TAFA2: variants seen among roughly 807,000 people sequenced by gnomAD.
TAFA2 encodes the protein chemokine-like protein TAFA-2.
TAFA2 carries 7 observed loss-of-function variants against 18.8 expected under a neutral mutation model. The ratio of observed to expected loss-of-function variants is 0.37; its 90% confidence interval spans 0.21 to 0.70. The LOEUF (loss-of-function observed/expected upper bound fraction) is 0.70, where lower values mean the gene tolerates loss of function less well. TAFA2 is among the 30% of genes least tolerant of loss of function. The pLI is 0.53. For synonymous variants in TAFA2, 60 were observed against 54.2 expected (o/e 1.11, Z -0.47); for missense variants, 122 against 158.1 (o/e 0.77, Z 1.23).
chr12:61,955,719 G>A (rs1177813394), intron 1 of TAFA2, among the ~76,000 whole-genome samples: 2 of 138,094 alleles, frequency 1.4e-5, no homozygotes, highest in African/African-American at 2.7e-5. Flanking sequence ...TCACAAGGAG[G>A]GGTATGTTTT....
At chr12:61,733,320 T>C (rs1255248377) in intron 4 of TAFA2, among the ~76,000 whole-genome samples, 1 of 152,104 alleles carries the variant, frequency 6.6e-6, no homozygotes, top group East Asian at 1.9e-4. Context: ...CCATTGCTTT[T>C]GGTGTTTTAG....
At chr12:62,005,693 C>T (rs979491560) in intron 1 of TAFA2, among the ~76,000 whole-genome samples, 1 of 152,050 alleles carries the variant, frequency 6.6e-6, no homozygotes, top group Non-Finnish European at 1.5e-5. Context: ...TAGGGATAAA[C>T]TAGAAAGCAG....
chr12:61,982,379 G>T (rs959771925), intron 1 of TAFA2, among the ~76,000 whole-genome samples: 2 of 152,050 alleles, frequency 1.3e-5, no homozygotes, highest in Admixed American at 6.6e-5. Context: ...CATGGCACAT[G>T]TATACCTATG....
At chr12:62,030,988 T>C (rs1192892357) in intron 1 of TAFA2, among the ~76,000 whole-genome samples, 1 of 152,106 alleles carries the variant, frequency 6.6e-6, no homozygotes, top group African/African-American at 2.4e-5. Context: ...CTACAACCCT[T>C]ATATGGTAGG....
chr12:62,154,902 C>T (rs547855337), intron 1 of TAFA2, among the ~76,000 whole-genome samples: 1 of 152,202 alleles, frequency 6.6e-6, no homozygotes, highest in South Asian at 2.1e-4. Flanking sequence ...AAGGTGCCCA[C>T]TCTCAGCACT....
intron 2 of TAFA2, among the ~76,000 whole-genome samples, chr12:61,844,343 T>G (rs1873313516): frequency 6.6e-6 from 1 of 152,146 alleles, no homozygotes; most frequent in South Asian, 2.1e-4. Context: ...TGTTCAAGTA[T>G]AAATTCAATA....
chr12:61,977,312 A>C (rs1030835934), intron 1 of TAFA2, among the ~76,000 whole-genome samples: 1 of 152,054 alleles, frequency 6.6e-6, no homozygotes, highest in Non-Finnish European at 1.5e-5. Context: ...AAATGGTTCC[A>C]AATTGCTAGT....
At chr12:62,186,948 C>T (rs191169232) in intron 1 of TAFA2, among the ~76,000 whole-genome samples, 1 of 152,254 alleles carries the variant, frequency 6.6e-6, no homozygotes, top group East Asian at 1.9e-4. Context: ...TAAAATCCAA[C>T]ATATCCATGT....
chr12:62,225,545 A>G (rs1453233544), intron 1 of TAFA2, among the ~76,000 whole-genome samples: 5 of 152,186 alleles, frequency 3.3e-5, no homozygotes, highest in Non-Finnish European at 7.4e-5. Flanking sequence ...CATGAAAAAA[A>G]CCCAACAAAG....
chr12:62,214,922 G>A (rs1005591278), intron 1 of TAFA2, among the ~76,000 whole-genome samples: 1 of 152,044 alleles, frequency 6.6e-6, no homozygotes, highest in African/African-American at 2.4e-5. Flanking sequence ...GATAAGAAGG[G>A]ATACCACTCT....
intron 1 of TAFA2, among the ~76,000 whole-genome samples, chr12:62,225,115 A>G (rs1423139918): frequency 6.6e-6 from 1 of 151,992 alleles, no homozygotes; most frequent in Non-Finnish European, 1.5e-5. Context: ...TAAAAAAAAA[A>G]GTTGGTGGGG....
At chr12:61,784,431 G>T (rs1303511637) in intron 2 of TAFA2, among the ~76,000 whole-genome samples, 1 of 151,570 alleles carries the variant, frequency 6.6e-6, no homozygotes, top group Non-Finnish European at 1.5e-5. Flanking sequence ...GAGTGGCTCA[G>T]ATCAGAAGTG....
At chr12:61,952,915 C>T (rs1244224449) in intron 1 of TAFA2, among the ~76,000 whole-genome samples, 2 of 151,970 alleles carry the variant, frequency 1.3e-5, no homozygotes, top group African/African-American at 2.4e-5. Flanking sequence ...CATTTCTCCT[C>T]TTTTATATTT....
Position 62,090,033 on chromosome 12 carries a change from A to G in TAFA2, c.-2+101226T>C, listed in dbSNP as rs992854559. 3.3e-5 allele frequency among the ~76,000 whole-genome samples: 5 copies of G among 152,046 alleles called. No homozygotes were observed. In the East Asian group the frequency reaches 9.6e-4, roughly 29 times the overall value. On this transcript the variant is annotated intron_variant, in intron 1 of 4. Coordinates refer to ENST00000416284, the MANE Select transcript of TAFA2 (RefSeq NM_178539.5). Reference sequence around the variant, plus strand: ...TGCTACCCAAATATTATCAATTCTCATAAGACTGCCTGAATATTGTGAGCC... The same window carrying G: ...TGCTACCCAAATATTATCAATTCTCGTAAGACTGCCTGAATATTGTGAGCC...
At chr12:62,201,146 T>A (rs1275286190) in intron 1 of TAFA2, among the ~76,000 whole-genome samples, 1 of 152,182 alleles carries the variant, frequency 6.6e-6, no homozygotes, top group Non-Finnish European at 1.5e-5. Context: ...TGGGCTGAGA[T>A]GATGGGGTTT....
intron 1 of TAFA2, among the ~76,000 whole-genome samples, chr12:61,964,061 T>A (rs1878985147): frequency 6.6e-6 from 1 of 151,990 alleles, no homozygotes; most frequent in Non-Finnish European, 1.5e-5. Context: ...TTACACCTTA[T>A]ACAAAAATTA....
At chr12:61,966,185 A>G (rs1167820787) in intron 1 of TAFA2, among the ~76,000 whole-genome samples, 1 of 151,848 alleles carries the variant, frequency 6.6e-6, no homozygotes, top group Non-Finnish European at 1.5e-5. Flanking sequence ...GTGCTGCTAT[A>G]AAAAAATGTA....
At chr12:62,149,167 A>G (rs2062308081) in intron 1 of TAFA2, among the ~76,000 whole-genome samples, 1 of 152,140 alleles carries the variant, frequency 6.6e-6, no homozygotes, top group Non-Finnish European at 1.5e-5. Context: ...CTTGATATGA[A>G]CTCTAGTAAT....
intron 1 of TAFA2, among the ~76,000 whole-genome samples, chr12:62,046,913 T>C (rs1881924336): frequency 6.6e-6 from 1 of 152,104 alleles, no homozygotes; most frequent in South Asian, 2.1e-4. Context: ...TTTTATCTTT[T>C]ATTTTAGGTT....
Sources: gnomAD v4.1 joint callset for allele counts (sites outside exome capture counted in the v4.1 genomes callset) on GRCh38, gnomAD v4.1.1 for gene constraint, MANE v1.5 for transcripts, NCBI Gene and HGNC (gene_info 2026-07-23, HGNC 2026-07-21) for gene names.